The following TMX1 variants were observed in gnomAD, a reference collection of about 807,000 sequenced individuals.
The protein encoded by TMX1 is thioredoxin-related transmembrane protein 1.
A neutral mutation model predicts 36.6 loss-of-function variants in TMX1; 25 were observed. That is an observed-to-expected ratio of 0.68 (90% CI 0.50 to 0.95). The LOEUF is 0.95. TMX1 is among the 40% of genes least tolerant of loss of function. TMX1 has a pLI of 0.00. For synonymous variants in TMX1, 133 were observed against 118.0 expected, an observed-to-expected ratio of 1.13 and a Z score of -0.82; for missense variants, 347 against 339.6, an observed-to-expected ratio of 1.02 and a Z score of -0.17.
At chr14:51,241,814 G>GT (rs931340975) in intron 1 of TMX1, among the ~76,000 whole-genome samples, 25 of 152,214 alleles carry the variant, frequency 1.6e-4, no homozygotes, top group African/African-American at 5.3e-4. Context: ...GGCTAAATCA[G>GT]TAAGTCCTGT....
intron 7 of TMX1, among the ~76,000 whole-genome samples, chr14:51,252,099 C>CT (rs993549870): frequency 7.0e-6 from 1 of 143,372 alleles, no homozygotes; most frequent in African/African-American, 2.5e-5. Flanking sequence ...ATTTTAGAAA[C>CT]TTTAAAAGAG....
chr14:51,246,805 A>C (rs1289249636), intron 3 of TMX1, among the ~76,000 whole-genome samples: 2 of 152,228 alleles, frequency 1.3e-5, no homozygotes, highest in African/African-American at 4.8e-5. Context: ...AAGGCTTAAA[A>C]GTACTTTCCT....
chr14:51,249,288 ATGTT>A (rs750262769), intron 4 of TMX1, 34 bp from the exon 5 acceptor site: 45 of 1,531,076 alleles, frequency 2.9e-5, no homozygotes, highest in Admixed American at 6.1e-5. Context: ...AAATCTGTGT[ATGTT>A]ACTCAGTTTT....
chr14:51,255,959 C>T lies in TMX1; in HGVS notation c.*1440C>T, dbSNP rs2065836442. The T allele has an allele frequency of 6.6e-6, 1 of 152,444 alleles. No homozygotes were observed. Among genetic ancestry groups the T allele is most frequent in the Non-Finnish European group, 1.5e-5 (1 of 67,940 alleles). 9.4% of individuals were successfully genotyped at this position (152,444 alleles called of 1,614,324 possible). Reference sequence around the variant, plus strand: ...CTCCTTTAGAATTTAAAATATTGTACCATTGAAGAGTTTGGATGTGTAACT... The same window carrying T: ...CTCCTTTAGAATTTAAAATATTGTATCATTGAAGAGTTTGGATGTGTAACT... On this transcript the variant is annotated 3_prime_UTR_variant, in exon 8 of 8. Transcript: ENST00000457354.
intron 7 of TMX1, among the ~76,000 whole-genome samples, chr14:51,252,669 G>C (rs1459397119): frequency 6.6e-6 from 1 of 152,106 alleles, no homozygotes; most frequent in Non-Finnish European, 1.5e-5. Flanking sequence ...TGCCCCTTCC[G>C]TAATGGAACA....
At position 51,245,197 on chromosome 14, in the gene TMX1, A is replaced by G. The variant is rs2065779532; in HGVS notation, c.269-116A>G. 9 of 1,222,374 alleles carry G rather than the reference A, an allele frequency of 7.4e-6. 1 individual carries two copies. In the South Asian group the frequency reaches 1.3e-4, roughly 17 times the overall value. 75.7% of individuals were successfully genotyped at this position (1,222,374 alleles called of 1,614,324 possible). On this transcript the variant is annotated intron_variant, in intron 2 of 7. Transcript: ENST00000457354. ...AAATTATGTATTACGAAGCTCAACTATTAGGTATAATTTCATATTCTTTCC... is the reference window on the plus strand; with the variant it reads ...AAATTATGTATTACGAAGCTCAACTGTTAGGTATAATTTCATATTCTTTCC...
chr14:51,241,133 G>C (rs1250992281), intron 1 of TMX1, among the ~76,000 whole-genome samples: 1 of 151,960 alleles, frequency 6.6e-6, no homozygotes, highest in African/African-American at 2.4e-5. Context: ...TTTGTAAATG[G>C]TATTACATTA....
chr14:51,248,303 G>A (rs8015848), intron 4 of TMX1, among the ~76,000 whole-genome samples: 113,864 of 152,022 alleles, frequency 0.75, 42,757 homozygotes, highest in Non-Finnish European at 0.77. Flanking sequence ...GTCTCTTCCT[G>A]TCCTCTCACC....
intron 7 of TMX1, among the ~76,000 whole-genome samples, chr14:51,251,051 G>C (rs1401688059): frequency 2.6e-5 from 4 of 152,132 alleles, no homozygotes; most frequent in Non-Finnish European, 4.4e-5. Context: ...TTTTTGAAGT[G>C]AAATGAATAT....
intron 3 of TMX1, 73 bp downstream of exon 3, chr14:51,245,431 T>G: frequency 1.3e-6 from 2 of 1,594,904 alleles, no homozygotes; most frequent in Admixed American, 3.5e-5. Flanking sequence ...GGCCTCTGGC[T>G]TGGATCATGC....
At chr14:51,242,792 A>G (rs1289416854) in intron 1 of TMX1, among the ~76,000 whole-genome samples, 1 of 152,152 alleles carries the variant, frequency 6.6e-6, no homozygotes, top group African/African-American at 2.4e-5. Context: ...ATAAAAAAGC[A>G]ACTGAGCAAC....
Position 51,257,435 on chromosome 14 carries a change from A to G in TMX1, c.*2916A>G, listed in dbSNP as rs1210986419. On this transcript the variant is annotated 3_prime_UTR_variant, in exon 8 of 8. Transcript: ENST00000457354. ...ATTTAAGGTAGAGTTCTTACAATAT[A>G]TTACTTTCAATATAGGTATTTTATT... 1 of 152,176 alleles carries G rather than the reference A, an allele frequency of 6.6e-6. No homozygotes were observed. The highest frequency in any genetic ancestry group is 2.4e-5 in the African/African-American group (1 of 41,438). 9.4% of individuals were successfully genotyped at this position (152,176 alleles called of 1,614,324 possible). A position where few individuals can be genotyped will look rare whatever the true frequency, so the allele number is the denominator to read the frequency against.
chr14:51,247,401 G>C (rs531903725), intron 4 of TMX1, among the ~76,000 whole-genome samples, 181 bp downstream of exon 4: 1 of 135,664 alleles, frequency 7.4e-6, no homozygotes, highest in East Asian at 2.2e-4. Context: ...CTGTCGCCCA[G>C]GCTGGAGTGC....
At chr14:51,247,344 CAT>C (rs2065790440) in intron 4 of TMX1, 124 bp downstream of exon 4, 5 of 592,210 alleles carry the variant, frequency 8.4e-6, no homozygotes, top group South Asian at 4.0e-5. Flanking sequence ...ACATTTATTA[CAT>C]GTTTGATTTT....
intron 7 of TMX1, among the ~76,000 whole-genome samples, chr14:51,253,454 A>G (rs1010316314): frequency 2.0e-5 from 3 of 152,156 alleles, no homozygotes; most frequent in Non-Finnish European, 2.9e-5. Flanking sequence ...CATTACTGGT[A>G]ATTTTTCCCC....
intron 7 of TMX1, among the ~76,000 whole-genome samples, chr14:51,251,546 A>G (rs1365021333): frequency 1.3e-5 from 2 of 152,204 alleles, no homozygotes; most frequent in East Asian, 3.8e-4. Flanking sequence ...ATTGGATCCC[A>G]TAAATGTACC....
chr14:51,243,948 A>C lies in TMX1; in HGVS notation c.245A>C (p.Lys82Thr). ...GAAGATCTTGAGGTTAATATTGCGAAAGTAGATGTCACAGAGCAGCCAGGT... is the reference window on the plus strand; with the variant it reads ...GAAGATCTTGAGGTTAATATTGCGACAGTAGATGTCACAGAGCAGCCAGGT... ...WGEDLEVNIAKVDVTEQPGLS... is the reference protein window; with the variant it reads ...WGEDLEVNIATVDVTEQPGLS... Residue 82 changes from lysine to threonine, a missense_variant, in exon 2 of 8, where the codon AAA becomes ACA. Coordinates refer to ENST00000457354, the MANE Select transcript of TMX1 (RefSeq NM_030755.5). The C allele has an allele frequency of 6.2e-7, 1 of 1,611,332 alleles. No individual in the cohort carries two copies. Among genetic ancestry groups the C allele is most frequent in the Non-Finnish European group, 8.5e-7 (1 of 1,178,754 alleles).
intron 1 of TMX1, among the ~76,000 whole-genome samples, chr14:51,243,416 C>T (rs1242687491): frequency 6.6e-6 from 1 of 152,174 alleles, no homozygotes; most frequent in Non-Finnish European, 1.5e-5. Context: ...TAATGGTTGC[C>T]ACTTTAAGAT....
At chr14:51,246,793 A>G (rs1224771244) in intron 3 of TMX1, among the ~76,000 whole-genome samples, 1 of 152,240 alleles carries the variant, frequency 6.6e-6, no homozygotes, top group African/African-American at 2.4e-5. Context: ...TGTATTACAC[A>G]TAAGGCTTAA....
Sources: gnomAD v4.1 joint callset for allele counts (sites outside exome capture counted in the v4.1 genomes callset) on GRCh38, gnomAD v4.1.1 for gene constraint, MANE v1.5 for transcripts, NCBI Gene and HGNC (gene_info 2026-07-23, HGNC 2026-07-21) for gene names.